The following SHANK1 variants were observed in gnomAD, a reference collection of about 807,000 sequenced individuals.
The protein encoded by SHANK1 is SH3 and multiple ankyrin repeat domains protein 1.
A neutral mutation model predicts 165.6 loss-of-function variants in SHANK1; 35 were observed. The observed-to-expected ratio is 0.21, with a 90% CI of 0.16 to 0.28. The LOEUF (loss-of-function observed/expected upper bound fraction) is 0.28, where lower values mean the gene tolerates loss of function less well. Ranked by LOEUF, SHANK1 falls within the 10% of genes least tolerant of loss-of-function variation. The pLI is 1.00. For missense variants in SHANK1, 2,681 were observed against 3,036.4 expected (o/e 0.88, Z 2.75); for synonymous variants, 1,428 against 1,384.8 (o/e 1.03, Z -0.69).
Position 50,688,810 on chromosome 19 carries a change from A to G in SHANK1, c.2172+34T>C, listed in dbSNP as rs756775960. 1 of 1,591,106 alleles carries G rather than the reference A, an allele frequency of 6.3e-7. No individual in the cohort carries two copies. ...ATGAGGGGGTCTGGGAACTTGTCAC[A>G]GGGTCCCAGGGAAGAGAGGGGGCCT... On this transcript the variant is annotated intron_variant, in intron 17 of 23. Transcript: ENST00000293441. This position sits in a 1 kb window ranked among gnomAD's most constrained non-coding sequence, Gnocchi z 6.7.
rs1255648728 is a variant in SHANK1 at position 50,686,909 on chromosome 19, G to A, written c.2390-97C>T. On this transcript the variant is annotated intron_variant, in intron 19 of 23. Transcript: ENST00000293441. This position sits in a 1 kb window ranked among gnomAD's most constrained non-coding sequence, Gnocchi z 5.7. ...CGTGGCCAGCAGGTGCGGGCCAGTGGGCGTGGCGGGCGCGAGAGGGGCAGT... is the reference window on the plus strand; with the variant it reads ...CGTGGCCAGCAGGTGCGGGCCAGTGAGCGTGGCGGGCGCGAGAGGGGCAGT... 4.3e-5 allele frequency: 63 copies of A among 1,456,046 alleles called. No individual in the cohort carries two copies. Among genetic ancestry groups the A allele is most frequent in the Non-Finnish European group, 5.5e-5 (59 of 1,080,000 alleles). 90.2% of individuals were successfully genotyped at this position (1,456,046 alleles called of 1,614,324 possible).
intron 21 of SHANK1, among the ~76,000 whole-genome samples, chr19:50,678,160 C>T (rs1986039539): frequency 6.6e-6 from 1 of 152,142 alleles, no homozygotes. Context: ...GAGAAAAGGT[C>T]CTTATCCTAG....
Position 50,670,051 on chromosome 19 carries a change from G to A in SHANK1, c.2675-766C>T, listed in dbSNP as rs971884109. 1.3e-5 allele frequency among the ~76,000 whole-genome samples: 2 copies of A among 151,988 alleles called. No individual in the cohort carries two copies. The highest frequency in any genetic ancestry group is 4.8e-5 in the African/African-American group (2 of 41,360). On this transcript the variant is annotated intron_variant, in intron 22 of 23. Coordinates refer to ENST00000293441, the MANE Select transcript of SHANK1 (RefSeq NM_016148.5). This position sits in a 1 kb window ranked among gnomAD's most constrained non-coding sequence, Gnocchi z 4.1. Reference sequence around the variant, plus strand: ...GTCGACGCCCACGTTTATGCCTGGGGCCCCATCCTCCGCCCTGAGCTCTGG... The same window carrying A: ...GTCGACGCCCACGTTTATGCCTGGGACCCCATCCTCCGCCCTGAGCTCTGG...
chr19:50,678,696 G>A (rs181011046), intron 21 of SHANK1, among the ~76,000 whole-genome samples: 1 of 130,928 alleles, frequency 7.6e-6, no homozygotes, highest in East Asian at 2.3e-4. Flanking sequence ...CAGGGTGAGA[G>A]AAGAGGTAAA....
rs2123210617 is a variant in SHANK1 at position 50,717,230 on chromosome 19, CT to C, written c.-43-269del. ...CTTGCAGCCCGCCCCCTGCGCCCCA[CT>C]TTGCTGGTGACCCAGCGTGGCCGTG... is the stretch of plus-strand genomic sequence containing the variant. On this transcript the variant is annotated intron_variant, in intron 1 of 23. Coordinates refer to ENST00000293441, the MANE Select transcript of SHANK1 (RefSeq NM_016148.5). This position sits in a 1 kb window ranked among gnomAD's most constrained non-coding sequence, Gnocchi z 5.5. Among the ~76,000 whole-genome samples the C allele has an allele frequency of 6.6e-6, 1 of 152,370 alleles. No homozygotes were observed. The highest frequency in any genetic ancestry group is 2.4e-5 in the African/African-American group (1 of 41,588).
chr19:50,667,048 C>A lies in SHANK1; in HGVS notation c.4912G>T (p.Ala1638Ser). 1 of 1,547,124 alleles carries A rather than the reference C, an allele frequency of 6.5e-7. No homozygotes were observed. The highest frequency in any genetic ancestry group is 8.7e-7 in the Non-Finnish European group (1 of 1,150,780). ...DSEVATLTQG[A>S]SAAPGDPHPP... The stretch of plus-strand genomic sequence containing the variant: ...TGGGGGTCCCCAGGAGCGGCGGAGG[C>A]CCCCTGGGTCAGGGTGGCCACCTCG... The change falls in exon 23 of 24, where the codon GCC becomes TCC. Residue 1638 changes from alanine to serine, a missense_variant. By Grantham distance (99) the Ala-to-Ser change is moderately conservative (BLOSUM62 1). Coordinates refer to ENST00000293441, the MANE Select transcript of SHANK1 (RefSeq NM_016148.5). This position sits in a 1 kb window ranked among gnomAD's most constrained non-coding sequence, Gnocchi z 5.7.
Position 50,667,030 on chromosome 19 carries a change from C to T in SHANK1, c.4930G>A (p.Asp1644Asn). ...LTQGASAAPG[D>N]PHPPGPPAPA... ...GCAGGCGGGCCTGGTGGATGGGGGT[C>T]CCCAGGAGCGGCGGAGGCCCCCTGG... The change falls in exon 23 of 24, where the codon GAC becomes AAC. Residue 1644 changes from aspartate (D) to asparagine (N), a missense_variant. This residue lies in a region of SHANK1 where 1,713 missense variants were observed against 1,630.2 expected (regional missense o/e 1.05). Transcript: ENST00000293441. The surrounding 1 kb of genome is among the most constrained non-coding windows in gnomAD (Gnocchi z 5.7). 6.5e-7 allele frequency: 1 copy of T among 1,549,448 alleles called. No homozygotes were observed. Among genetic ancestry groups the T allele is most frequent in the Non-Finnish European group, 8.7e-7 (1 of 1,151,218 alleles).
rs1239195586 is a variant in SHANK1, at chr19:50,670,804, T to C, written c.2674+1214A>G. Reference sequence around the variant, plus strand: ...CTCTAGGTGTTTTTTTTTCTTTTCTTTTTTTTTGAGACAGAGTCTCGCTCT... The same window carrying C: ...CTCTAGGTGTTTTTTTTTCTTTTCTCTTTTTTTGAGACAGAGTCTCGCTCT... On this transcript the variant is annotated intron_variant, in intron 22 of 23. Transcript: ENST00000293441. This position sits in a 1 kb window ranked among gnomAD's most constrained non-coding sequence, Gnocchi z 4.1. Among the ~76,000 whole-genome samples the C allele has an allele frequency of 6.6e-6, 1 of 151,942 alleles. No individual in the cohort carries two copies. Among genetic ancestry groups the C allele is most frequent in the African/African-American group, 2.4e-5 (1 of 41,384 alleles).
At position 50,688,046 on chromosome 19, in the gene SHANK1, T is replaced by C; in HGVS notation, c.2185A>G (p.Asn729Asp). Reference sequence around the variant, plus strand: ...TGTCGGTGGCCGACCTTCACCACATTCTGCCCGTTCACCTGTGGCACAGAC... The same window carrying C: ...TGTCGGTGGCCGACCTTCACCACATCCTGCCCGTTCACCTGTGGCACAGAC... ...GDFLIEVNGQNVVKVGHRQVV... is the reference protein window; with the variant it reads ...GDFLIEVNGQDVVKVGHRQVV... Residue 729 changes from asparagine to aspartate, a missense_variant, in exon 18 of 24, where the codon AAT (asparagine) becomes GAT (aspartate). This residue lies in a region of SHANK1 where 147 missense variants were observed against 256.5 expected (regional missense o/e 0.57). Coordinates refer to ENST00000293441, the MANE Select transcript of SHANK1 (RefSeq NM_016148.5). This position sits in a 1 kb window ranked among gnomAD's most constrained non-coding sequence, Gnocchi z 6.7. 6.2e-7 allele frequency: 1 copy of C among 1,613,976 alleles called. No homozygotes were observed. Among genetic ancestry groups the C allele is most frequent in the Non-Finnish European group, 8.5e-7 (1 of 1,179,978 alleles).
Position 50,661,905 on chromosome 19 carries a change from G to C in SHANK1, c.*60C>G. 1.3e-6 allele frequency: 2 copies of C among 1,581,504 alleles called. No individual in the cohort carries two copies. The highest frequency in any genetic ancestry group is 1.3e-5 in the African/African-American group (1 of 74,392). On this transcript the variant is annotated 3_prime_UTR_variant, in exon 24 of 24. Coordinates refer to ENST00000293441, the MANE Select transcript of SHANK1 (RefSeq NM_016148.5). ...AGAGAATGACAGTCAGGGGTCAGAG[G>C]TCAAGAGGCCAGCAGGCTCAAGAGT...
At position 50,686,389 on chromosome 19, in the gene SHANK1, C is replaced by T. The variant is rs374000019; in HGVS notation, c.2459-34G>A. 2.1e-6 allele frequency: 3 copies of T among 1,441,044 alleles called. No homozygotes were observed. Among genetic ancestry groups the T allele is most frequent in the African/African-American group, 2.9e-5 (2 of 70,134 alleles). The allele number at this position is 1,441,044 out of a possible 1,614,324, so 89.3% of individuals were successfully genotyped here. ...AGATGAATGAACAGAGGTGGGAAGA[C>T]AATGAAATGAAGTTTGCTTTGACCC... On this transcript the variant is annotated intron_variant, in intron 20 of 23. Transcript: ENST00000293441. The surrounding 1 kb of genome is among the most constrained non-coding windows in gnomAD (Gnocchi z 5.7).
rs944443631 is a variant in SHANK1, at chr19:50,668,848, G to T, written c.3112C>A (p.Arg1038Ser). The T allele has an allele frequency of 2.0e-5, 25 of 1,282,046 alleles. No individual in the cohort carries two copies. Among genetic ancestry groups the T allele is most frequent in the Admixed American group, 3.8e-5 (1 of 26,066 alleles). 79.4% of individuals were successfully genotyped at this position (1,282,046 alleles called of 1,614,324 possible). A position where few individuals can be genotyped will look rare whatever the true frequency, so the allele number is the denominator to read the frequency against. ...TGGSPDDPPP[R>S]LALGPQPSLR... ...CTGGGCTGGGGCCCCAGAGCCAGGCGGGGTGGAGGGTCGTCGGGAGAGCCG... is the reference window on the plus strand; with the variant it reads ...CTGGGCTGGGGCCCCAGAGCCAGGCTGGGTGGAGGGTCGTCGGGAGAGCCG... Residue 1038 changes from arginine to serine, a missense_variant, in exon 23 of 24, where the codon CGC (arginine) becomes AGC (serine). Physicochemically the swap from Arg to Ser is moderately radical, Grantham distance 110. This residue lies in a region of SHANK1 where 1,713 missense variants were observed against 1,630.2 expected (regional missense o/e 1.05). Coordinates refer to ENST00000293441, the MANE Select transcript of SHANK1 (RefSeq NM_016148.5).
At chr19:50,684,570 G>A (rs1171092568) in intron 21 of SHANK1, among the ~76,000 whole-genome samples, 4 of 152,162 alleles carry the variant, frequency 2.6e-5, no homozygotes, top group Non-Finnish European at 5.9e-5. Context: ...TCCAGAGCAT[G>A]AGGGATTGTG....
chr19:50,685,917 T>C (rs1200554815), intron 21 of SHANK1, among the ~76,000 whole-genome samples: 1 of 151,972 alleles, frequency 6.6e-6, no homozygotes, highest in African/African-American at 2.4e-5. Context: ...TCTCCATCCA[T>C]GACATCATTT....
rs923035653 is a variant in SHANK1, at chr19:50,717,278, C to T, written c.-43-316G>A. 9.9e-5 allele frequency among the ~76,000 whole-genome samples: 15 copies of T among 152,204 alleles called. No homozygotes were observed. Among genetic ancestry groups the T allele is most frequent in the Non-Finnish European group, 1.5e-4 (10 of 68,024 alleles). On this transcript the variant is annotated intron_variant, in intron 1 of 23. Transcript: ENST00000293441. This position sits in a 1 kb window ranked among gnomAD's most constrained non-coding sequence, Gnocchi z 5.5. ...CGTGTCCCAGAAACCGCAGAATCAC[C>T]GCGGGAGCTACTGGCCCACTTTGCC... is the stretch of plus-strand genomic sequence containing the variant.
chr19:50,674,866 AGCCTG>A (rs1211063659), intron 21 of SHANK1, among the ~76,000 whole-genome samples: 1 of 152,096 alleles, frequency 6.6e-6, no homozygotes, highest in Non-Finnish European at 1.5e-5. Context: ...GTTCGAAACC[AGCCTG>A]GCCAACATGG....
In SHANK1 at chr19:50,666,983, A is replaced by C. The variant is rs1985550629; in HGVS notation, c.4977T>G (p.Ala1659=). Residue 1659 remains alanine (A), a synonymous_variant, in exon 23 of 24, where the codon GCT becomes GCG. Transcript: ENST00000293441. ...GAGGGTCCGGGCCAGGCTGTGGGGCAGCGGGAGCCGGTGCTGCTGGGGCAG... is the reference window on the plus strand; with the variant it reads ...GAGGGTCCGGGCCAGGCTGTGGGGCCGCGGGAGCCGGTGCTGCTGGGGCAG... ...GPPAPAAPAP[A]APQPGPDPPP... is the part of the protein sequence containing the mutation. 6.3e-7 allele frequency: 1 copy of C among 1,578,170 alleles called. No homozygotes were observed. Among genetic ancestry groups the C allele is most frequent in the Admixed American group, 1.7e-5 (1 of 57,604 alleles).
intron 4 of SHANK1, 31 bp from the exon 5 acceptor site, chr19:50,714,321 G>C: frequency 6.3e-7 from 1 of 1,596,624 alleles, no homozygotes; most frequent in Non-Finnish European, 8.6e-7. Flanking sequence ...GAGAAGACAG[G>C]ACAGTCAGGA....
intron 12 of SHANK1, 76 bp from the exon 13 acceptor site, chr19:50,698,032 G>T: frequency 9.6e-7 from 1 of 1,045,218 alleles, no homozygotes; most frequent in Non-Finnish European, 1.5e-6. Flanking sequence ...ACTCAACTTA[G>T]AGCATTCCCA....
Sources: gnomAD v4.1 joint callset for allele counts (sites outside exome capture counted in the v4.1 genomes callset) on GRCh38, gnomAD v4.1.1 for gene constraint, gnomAD v4.1.1 regional missense constraint, Gnocchi (gnomAD v3.1) non-coding constraint, MANE v1.5 for transcripts, NCBI Gene and HGNC (gene_info 2026-07-23, HGNC 2026-07-21) for gene names.